PVT1: variants seen among roughly 807,000 people sequenced by gnomAD.
The protein encoded by PVT1 is CXCR4/PVT1 fusion.
chr8:127,897,805 GAGAGAAAAGA>G (rs1815701571), intron 3 of PVT1, among the ~76,000 whole-genome samples: 4 of 140,442 alleles, frequency 2.8e-5, no homozygotes, highest in South Asian at 2.3e-4. Flanking sequence ...CCTGCGTGAA[GAGAGAAAAGA>G]AAAGAAAAGA....
intron 4 of PVT1, among the ~76,000 whole-genome samples, chr8:127,994,123 C>T (rs554879686): frequency 6.6e-6 from 1 of 152,290 alleles, no homozygotes; most frequent in East Asian, 1.9e-4. Flanking sequence ...TGTGCTGCTC[C>T]TCACCCCCTC....
intron 4 of PVT1, among the ~76,000 whole-genome samples, chr8:128,058,450 C>A (rs1156244014): frequency 6.6e-6 from 1 of 151,454 alleles, no homozygotes; most frequent in Admixed American, 6.6e-5. Context: ...TTGTAAATAG[C>A]TCTTCTACTA....
At chr8:127,985,215 G>A (rs1427103089) in intron 3 of PVT1, among the ~76,000 whole-genome samples, 1 of 150,802 alleles carries the variant, frequency 6.6e-6, no homozygotes, top group African/African-American at 2.4e-5. Flanking sequence ...TGTAGTTTTA[G>A]CAGAGACAGG....
chr8:127,909,120 T>C (rs1815859912), intron 3 of PVT1, among the ~76,000 whole-genome samples: 1 of 152,200 alleles, frequency 6.6e-6, no homozygotes, highest in Admixed American at 6.5e-5. Context: ...AGGCCCTCAA[T>C]ATGGCGTTAG....
chr8:127,965,194 G>A (rs1373340526), intron 3 of PVT1, among the ~76,000 whole-genome samples: 1 of 152,094 alleles, frequency 6.6e-6, no homozygotes, highest in African/African-American at 2.4e-5. Flanking sequence ...ATTTTAAAAA[G>A]GTAATTAAAA....
chr8:127,921,126 C>G (rs1369218840), intron 3 of PVT1, among the ~76,000 whole-genome samples: 1 of 152,140 alleles, frequency 6.6e-6, no homozygotes, highest in African/African-American at 2.4e-5. Context: ...ACGTTTTGTA[C>G]CAGCTGCAGG....
intron 3 of PVT1, among the ~76,000 whole-genome samples, chr8:127,948,903 T>C (rs1816460517): frequency 6.6e-6 from 1 of 152,182 alleles, no homozygotes; most frequent in Non-Finnish European, 1.5e-5. Context: ...ACTCACCCTC[T>C]CTGAACCCCC....
At chr8:127,841,011 T>C (rs1814967296) in intron 2 of PVT1, among the ~76,000 whole-genome samples, 1 of 152,242 alleles carries the variant, frequency 6.6e-6, no homozygotes, top group South Asian at 2.1e-4. Context: ...GCAACCTCTT[T>C]TTCACCTTTG....
chr8:127,950,456 G>A (rs2129925855), intron 3 of PVT1, among the ~76,000 whole-genome samples: 1 of 152,308 alleles, frequency 6.6e-6, no homozygotes, highest in Admixed American at 6.5e-5. Context: ...TTCAAGCGTG[G>A]GAGCTCCAAC....
At chr8:128,065,061 G>A (rs1222180983) in intron 4 of PVT1, among the ~76,000 whole-genome samples, 4 of 152,196 alleles carry the variant, frequency 2.6e-5, no homozygotes, top group African/African-American at 9.6e-5. Flanking sequence ...GCCTACAGGG[G>A]GAAGGAATTG....
chr8:128,100,243 A>C (rs1420485677), intron 6 of PVT1, among the ~76,000 whole-genome samples: 1 of 151,108 alleles, frequency 6.6e-6, no homozygotes, highest in African/African-American at 2.4e-5. Context: ...ATATGCACTC[A>C]TTTAAATATC....
intron 5 of PVT1, among the ~76,000 whole-genome samples, chr8:128,073,810 T>C (rs553354738): frequency 3.3e-5 from 5 of 152,034 alleles, no homozygotes; most frequent in South Asian, 2.1e-4. Flanking sequence ...TTCTTTTTTT[T>C]TTTTTTTAAG....
intron 5 of PVT1, among the ~76,000 whole-genome samples, chr8:128,073,399 A>T (rs941180464): frequency 6.6e-6 from 1 of 151,748 alleles, no homozygotes; most frequent in Non-Finnish European, 1.5e-5. Context: ...TCCTTTTGAC[A>T]CAGGTCACCC....
At chr8:127,860,690 A>C (rs1815214474) in intron 2 of PVT1, among the ~76,000 whole-genome samples, 1 of 149,402 alleles carries the variant, frequency 6.7e-6, no homozygotes, top group East Asian at 2.0e-4. Context: ...GCTTGAACCC[A>C]GGAGGTGGAG....
chr8:127,824,318 C>G (rs1814763846), intron 2 of PVT1, among the ~76,000 whole-genome samples: 1 of 152,174 alleles, frequency 6.6e-6, no homozygotes, highest in Non-Finnish European at 1.5e-5. Context: ...ACAGGTGATG[C>G]CTGTTCCTCA....
chr8:128,099,619 T>G (rs1239784201), intron 6 of PVT1: 3 of 152,106 alleles, frequency 2.0e-5, no homozygotes, highest in Non-Finnish European at 4.4e-5. Context: ...GCTCCGAGAG[T>G]GATACCAAAT....
chr8:128,093,412 C>G (rs1213354922), intron 5 of PVT1, among the ~76,000 whole-genome samples: 2 of 152,008 alleles, frequency 1.3e-5, no homozygotes, highest in African/African-American at 2.4e-5. Context: ...AAAAAATTAG[C>G]CAGGCTTGGT....
intron 6 of PVT1, among the ~76,000 whole-genome samples, chr8:128,098,594 CCTCA>C (rs1205002147): frequency 6.6e-6 from 1 of 152,164 alleles, no homozygotes; most frequent in Non-Finnish European, 1.5e-5. Flanking sequence ...ACATTCTGTG[CCTCA>C]CTTTACTTGT....
At chr8:128,053,920 G>A (rs1813732288) in intron 4 of PVT1, among the ~76,000 whole-genome samples, 1 of 152,172 alleles carries the variant, frequency 6.6e-6, no homozygotes, top group Non-Finnish European at 1.5e-5. Flanking sequence ...TGATCTTCCT[G>A]CATACAATGG....
Sources: allele counts gnomAD v4.1 joint callset (sites outside exome capture counted in the v4.1 genomes callset), GRCh38; gene constraint gnomAD v4.1.1; transcripts MANE v1.5; gene names NCBI Gene and HGNC (gene_info 2026-07-23, HGNC 2026-07-21).